Variants in DIXDC1 observed in about 807,000 individuals in gnomAD.
The protein encoded by DIXDC1 is dixin.
In DIXDC1, 64 loss-of-function variants were observed where a neutral mutation model predicts 103.1. The ratio of observed to expected loss-of-function variants is 0.62; its 90% CI spans 0.51 to 0.76. The LOEUF is 0.76. DIXDC1 is among the 30% of genes least tolerant of loss of function. The pLI, the probability that DIXDC1 is intolerant of heterozygous loss-of-function variation, is 0.00. For synonymous variants in DIXDC1, 266 were observed against 298.5 expected, an observed-to-expected ratio of 0.89 and a Z score of 1.12; for missense variants, 759 against 834.2, an observed-to-expected ratio of 0.91 and a Z score of 1.11.
At chr11:111,989,917 T>TAGC (rs1462105636) in intron 10 of DIXDC1, among the ~76,000 whole-genome samples, 1 of 149,696 alleles carries the variant, frequency 6.7e-6, no homozygotes, top group African/African-American at 2.5e-5. Context: ...GCCTCCCAAG[T>TAGC]AGCTGGGTCT....
At chr11:111,968,464 T>A in intron 2 of DIXDC1, 49 bp from the exon 3 acceptor site, 1 of 1,588,994 alleles carries the variant, frequency 6.3e-7, no homozygotes, top group Non-Finnish European at 8.6e-7. Context: ...CTATGAAACT[T>A]TGATAATATT....
At chr11:111,936,947 A>G (rs1197813696), upstream of DIXDC1, among the ~76,000 whole-genome samples, 1 of 150,342 alleles carries the variant, frequency 6.7e-6, no homozygotes, top group East Asian at 2.0e-4. Context: ...GCGCGGCTGC[A>G]AGCGCATGCA....
At chr11:111,985,348 A>G (rs1555173730) in intron 8 of DIXDC1, 27 bp downstream of exon 8, 11 of 1,563,228 alleles carry the variant, frequency 7.0e-6, no homozygotes, top group Non-Finnish European at 8.8e-6. Flanking sequence ...GTGATTGGAC[A>G]CTAAATCTGT....
At chr11:111,996,492 CA>C (rs1276500136) in intron 17 of DIXDC1, among the ~76,000 whole-genome samples, 1 of 152,000 alleles carries the variant, frequency 6.6e-6, no homozygotes, top group Non-Finnish European at 1.5e-5. Flanking sequence ...CCAAACAGCA[CA>C]AAAAAAATTT....
At chr11:112,000,826 T>C (rs952033409) in intron 17 of DIXDC1, among the ~76,000 whole-genome samples, 4 of 152,118 alleles carry the variant, frequency 2.6e-5, no homozygotes, top group Non-Finnish European at 5.9e-5. Context: ...TGGAGAATAA[T>C]AAGTATTGGT....
intron 1 of DIXDC1, among the ~76,000 whole-genome samples, chr11:111,951,202 A>G (rs1378915879): frequency 1.3e-5 from 2 of 152,232 alleles, no homozygotes; most frequent in Non-Finnish European, 2.9e-5. Context: ...CTGATTACCA[A>G]AATTGATAGA....
chr11:111,949,544 C>T (rs1221621658), intron 1 of DIXDC1, among the ~76,000 whole-genome samples: 1 of 152,188 alleles, frequency 6.6e-6, no homozygotes, highest in East Asian at 1.9e-4. Flanking sequence ...ATTGCCTGGG[C>T]TCCTCGTTGG....
intron 1 of DIXDC1, among the ~76,000 whole-genome samples, chr11:111,951,680 C>T (rs782198146): frequency 6.6e-6 from 1 of 152,034 alleles, no homozygotes; most frequent in South Asian, 2.1e-4. Flanking sequence ...GCAGGTCTTT[C>T]CTATGCTGTT....
chr11:112,003,332 G>A (rs908257936), intron 17 of DIXDC1, among the ~76,000 whole-genome samples: 7 of 152,022 alleles, frequency 4.6e-5, no homozygotes, highest in Non-Finnish European at 7.4e-5. Flanking sequence ...GCAAGTACCT[G>A]TAATCCCAGC....
At chr11:111,956,670 A>G (rs1859381086) in intron 1 of DIXDC1, among the ~76,000 whole-genome samples, 1 of 151,946 alleles carries the variant, frequency 6.6e-6, no homozygotes, top group South Asian at 2.1e-4. Context: ...TTGTATTTTT[A>G]GTAGAGACGA....
At position 111,974,980 on chromosome 11, in the gene DIXDC1, C is replaced by T. The variant is rs377211898; in HGVS notation, c.653C>T (p.Ser218Phe). ...QQRSPSESSC[S>F]SLTSPSPIHS... ...AGGTCCCCGTCTGAATCCAGCTGCT[C>T]CAGGTAACTGTGGCCTCTGAAACCT... The change falls in exon 5 of 20, where the codon TCC becomes TTC. Residue 218 changes from serine to phenylalanine, a missense_variant. Physicochemically the swap from Ser to Phe is radical, Grantham distance 155. Transcript: ENST00000440460. 25 of 1,610,444 alleles carry T rather than the reference C, an allele frequency of 1.6e-5. No individual in the cohort carries two copies. The highest frequency in any genetic ancestry group is 2.2e-5 in the East Asian group (1 of 44,790).
chr11:112,010,463 A>C (rs1284029222), intron 17 of DIXDC1, among the ~76,000 whole-genome samples: 2 of 152,272 alleles, frequency 1.3e-5, no homozygotes, highest in Non-Finnish European at 2.9e-5. Flanking sequence ...TTTAAAGTTC[A>C]TATGGAACCA....
chr11:111,990,070 G>A (rs587616078), intron 10 of DIXDC1, among the ~76,000 whole-genome samples: 130 of 148,154 alleles, frequency 8.8e-4, no homozygotes, highest in African/African-American at 3.0e-3. Context: ...GATTACAGGT[G>A]TGAGCCACCG....
chr11:111,951,927 A>G (rs745895926), intron 1 of DIXDC1, among the ~76,000 whole-genome samples: 49 of 150,190 alleles, frequency 3.3e-4, no homozygotes, highest in Non-Finnish European at 6.6e-4. Context: ...GTATAGTAGC[A>G]TGATCTTGGC....
At chr11:111,995,680 A>G in intron 16 of DIXDC1, 116 bp downstream of exon 16, 1 of 1,351,456 alleles carries the variant, frequency 7.4e-7, no homozygotes, top group South Asian at 1.4e-5. Context: ...TAAAGGTTAG[A>G]GTTGTTTTTC....
intron 1 of DIXDC1, among the ~76,000 whole-genome samples, chr11:111,945,228 C>T (rs1489976698): frequency 6.6e-6 from 1 of 152,200 alleles, no homozygotes; most frequent in African/African-American, 2.4e-5. Context: ...GTTTTTCCTT[C>T]TCAGGTGGGC....
chr11:111,990,494 G>C (rs587662908), intron 10 of DIXDC1, among the ~76,000 whole-genome samples: 119 of 152,170 alleles, frequency 7.8e-4, no homozygotes, highest in Admixed American at 2.7e-3. Context: ...TTGACACCTT[G>C]CTTTTTTTCA....
At chr11:112,018,598 C>T (rs1274473209) in intron 19 of DIXDC1, among the ~76,000 whole-genome samples, 1 of 152,014 alleles carries the variant, frequency 6.6e-6, no homozygotes, top group Admixed American at 6.5e-5. Flanking sequence ...AGTCTTTTTT[C>T]CCCACCCTTT....
chr11:111,932,619 A>G (rs1006615777), upstream of DIXDC1, among the ~76,000 whole-genome samples: 2 of 151,542 alleles, frequency 1.3e-5, no homozygotes, highest in Admixed American at 1.3e-4. Context: ...ATCATGTAGA[A>G]TATTTTCACA....
Sources: allele counts gnomAD v4.1 joint callset (sites outside exome capture counted in the v4.1 genomes callset), GRCh38; gene constraint gnomAD v4.1.1; transcripts MANE v1.5; gene names NCBI Gene and HGNC (gene_info 2026-07-23, HGNC 2026-07-21).